MACROD2: variants seen among roughly 807,000 people sequenced by gnomAD.
The protein encoded by MACROD2 is ADP-ribose glycohydrolase MACROD2.
MACROD2 carries 36 observed loss-of-function variants against 70.4 expected under a neutral mutation model. That is an observed-to-expected ratio of 0.51 (90% CI 0.39 to 0.68). The LOEUF (loss-of-function observed/expected upper bound fraction) is 0.68, where lower values mean the gene tolerates loss of function less well. Ranked by LOEUF, MACROD2 falls within the 30% of genes least tolerant of loss-of-function variation. The probability of loss-of-function intolerance (pLI) is 0.00; values close to 1 mark genes in which losing one functional copy is unlikely to be tolerated. For synonymous variants in MACROD2, 172 were observed against 178.8 expected (o/e 0.96, Z 0.30); for missense variants, 496 against 538.4 (o/e 0.92, Z 0.78).
At chr20:14,798,959 TG>T (rs1333477438) in intron 5 of MACROD2, among the ~76,000 whole-genome samples, 1 of 151,978 alleles carries the variant, frequency 6.6e-6, no homozygotes, top group Non-Finnish European at 1.5e-5. Context: ...AAAATTCAAC[TG>T]TATATATTGA....
intron 3 of MACROD2, among the ~76,000 whole-genome samples, chr20:14,156,111 G>A (rs2055098607): frequency 1.3e-5 from 2 of 152,102 alleles, no homozygotes; most frequent in Admixed American, 6.6e-5. Flanking sequence ...GCAGTGATCT[G>A]TGTTCATGCC....
At chr20:14,728,966 T>A (rs780200011) in intron 5 of MACROD2, among the ~76,000 whole-genome samples, 5 of 152,178 alleles carry the variant, frequency 3.3e-5, no homozygotes, top group Non-Finnish European at 5.9e-5. Context: ...TTAGGTTATA[T>A]ATTTAACACA....
At chr20:15,300,764 G>C (rs1326919631) in intron 6 of MACROD2, among the ~76,000 whole-genome samples, 1 of 152,172 alleles carries the variant, frequency 6.6e-6, no homozygotes, top group Non-Finnish European at 1.5e-5. Context: ...GTTAAGGCTG[G>C]TCAATGATAA....
chr20:14,813,911 C>G (rs1346513685), intron 5 of MACROD2, among the ~76,000 whole-genome samples: 1 of 151,890 alleles, frequency 6.6e-6, no homozygotes. Context: ...TTCTGGTGAC[C>G]AGCCCCCATT....
chr20:14,076,922 C>T (rs117909812), intron 2 of MACROD2, among the ~76,000 whole-genome samples: 3,854 of 152,204 alleles, frequency 0.025, 70 homozygotes, highest in Middle Eastern at 0.054. Flanking sequence ...CATGCACTAA[C>T]ATTGAATTGC....
chr20:14,080,626 T>A (rs190339515), intron 2 of MACROD2, among the ~76,000 whole-genome samples: 49 of 152,008 alleles, frequency 3.2e-4, no homozygotes, highest in African/African-American at 1.2e-3. Context: ...GAGAGAAAAT[T>A]TATGCTTAAA....
intron 3 of MACROD2, among the ~76,000 whole-genome samples, chr20:14,113,933 A>G (rs1163610052): frequency 6.6e-6 from 1 of 152,144 alleles, no homozygotes; most frequent in African/African-American, 2.4e-5. Context: ...AATTAAATGG[A>G]AGAAATTGTT....
At chr20:14,803,989 T>A (rs2072608950) in intron 5 of MACROD2, among the ~76,000 whole-genome samples, 1 of 152,084 alleles carries the variant, frequency 6.6e-6, no homozygotes, top group Non-Finnish European at 1.5e-5. Flanking sequence ...TTTTACGTCA[T>A]AAGTTGTGAA....
At chr20:15,048,573 A>G (rs1218909873) in intron 5 of MACROD2, among the ~76,000 whole-genome samples, 1 of 152,166 alleles carries the variant, frequency 6.6e-6, no homozygotes, top group African/African-American at 2.4e-5. Flanking sequence ...ATATACATAC[A>G]TATAAAATAT....
chr20:13,995,738 T>G lies in MACROD2; in HGVS notation c.-26T>G, dbSNP rs1284327349. The G allele has an allele frequency of 2.0e-6, 3 of 1,518,314 alleles. No homozygotes were observed. Among genetic ancestry groups the G allele is most frequent in the Non-Finnish European group, 2.7e-6 (3 of 1,119,668 alleles). 94.1% of individuals were successfully genotyped at this position (1,518,314 alleles called of 1,614,324 possible). Reference sequence around the variant, plus strand: ...CCCGTGAGCCTGGGGAACTTGCAGCTTAAAGCCAGCCACCCCCACGGCAAC... The same window carrying G: ...CCCGTGAGCCTGGGGAACTTGCAGCGTAAAGCCAGCCACCCCCACGGCAAC... On this transcript the variant is annotated 5_prime_UTR_variant, in exon 1 of 18. Coordinates refer to ENST00000684519, the MANE Select transcript of MACROD2 (RefSeq NM_001351661.2). This position sits in a 1 kb window ranked among gnomAD's most constrained non-coding sequence, Gnocchi z 4.3.
chr20:15,223,115 T>G (rs1452615414), intron 5 of MACROD2, among the ~76,000 whole-genome samples: 1 of 152,190 alleles, frequency 6.6e-6, no homozygotes. Flanking sequence ...ACAGACTGAT[T>G]GATTTCAGAA....
intron 6 of MACROD2, among the ~76,000 whole-genome samples, chr20:15,300,770 G>T (rs1286729060): frequency 1.3e-5 from 2 of 152,170 alleles, no homozygotes; most frequent in Non-Finnish European, 2.9e-5. Flanking sequence ...GCTGGTCAAT[G>T]ATAAACCTGG....
chr20:14,554,721 T>A (rs1568667897), intron 4 of MACROD2, among the ~76,000 whole-genome samples: 3 of 152,148 alleles, frequency 2.0e-5, no homozygotes, highest in African/African-American at 4.8e-5. Context: ...TACACATTAT[T>A]CTAAAATTCC....
At chr20:15,030,939 G>T (rs980400137) in intron 5 of MACROD2, among the ~76,000 whole-genome samples, 7 of 152,134 alleles carry the variant, frequency 4.6e-5, no homozygotes, top group Admixed American at 4.6e-4. Context: ...GGGCCTGCTG[G>T]GCTTATTCTG....
intron 8 of MACROD2, among the ~76,000 whole-genome samples, chr20:15,797,553 T>G (rs767232221): frequency 3.3e-5 from 5 of 152,134 alleles, no homozygotes; most frequent in Admixed American, 6.5e-5. Context: ...AGTAAAAGCT[T>G]CTTAGATATA....
rs551176053 is a variant in MACROD2, at chr20:14,528,978, C to T, written c.301+35470C>T. Among the ~76,000 whole-genome samples the T allele has an allele frequency of 1.6e-3, 251 of 152,256 alleles. 2 individuals carry two copies. Among genetic ancestry groups the T allele is most frequent in the African/African-American group, 5.9e-3 (247 of 41,538 alleles). ...GTATCTTTTCCTCCCATGCCTTTAT[C>T]CCTATATCTGCATGTATAACTAGGT... On this transcript the variant is annotated intron_variant, in intron 4 of 17. Coordinates refer to ENST00000684519, the MANE Select transcript of MACROD2 (RefSeq NM_001351661.2).
chr20:14,244,793 T>G (rs77170225), intron 3 of MACROD2, among the ~76,000 whole-genome samples: 1,893 of 152,324 alleles, frequency 0.012, 34 homozygotes, highest in Middle Eastern at 0.041. Context: ...GTGATATTAC[T>G]TGGCTCTTTG....
intron 5 of MACROD2, among the ~76,000 whole-genome samples, chr20:15,072,783 A>G (rs2075628522): frequency 6.6e-6 from 1 of 152,168 alleles, no homozygotes; most frequent in South Asian, 2.1e-4. Flanking sequence ...TTCCACATCT[A>G]AAAAAGAATA....
At chr20:14,496,022 T>TA (rs2084849112) in intron 4 of MACROD2, among the ~76,000 whole-genome samples, 1 of 152,178 alleles carries the variant, frequency 6.6e-6, no homozygotes, top group South Asian at 2.1e-4. Flanking sequence ...AAGCTGCATT[T>TA]AAAAATTAAA....
Sources: gnomAD v4.1 joint callset for allele counts (sites outside exome capture counted in the v4.1 genomes callset) on GRCh38, gnomAD v4.1.1 for gene constraint, Gnocchi (gnomAD v3.1) non-coding constraint, MANE v1.5 for transcripts, NCBI Gene and HGNC (gene_info 2026-07-23, HGNC 2026-07-21) for gene names.